Variants in ARRDC4 observed in about 807,000 individuals in gnomAD.
The protein encoded by ARRDC4 is arrestin domain-containing protein 4.
In ARRDC4, 40 loss-of-function variants were observed where a neutral mutation model predicts 44.6. The observed-to-expected ratio is 0.90, with a 90% confidence interval of 0.70 to 1.17. The LOEUF (loss-of-function observed/expected upper bound fraction) is 1.17. Ranked by LOEUF, ARRDC4 falls within the 50% of genes most tolerant of loss-of-function variation. ARRDC4 has a pLI of 0.00. For missense variants in ARRDC4, 550 were observed against 559.1 expected, an observed-to-expected ratio of 0.98 and a Z score of 0.16; for synonymous variants, 211 against 221.2, an observed-to-expected ratio of 0.95 and a Z score of 0.41.
Position 97,973,319 on chromosome 15 carries a change from C to G in ARRDC4, c.*2132C>G, listed in dbSNP as rs1278803341. 6.6e-6 allele frequency: 1 copy of G among 152,510 alleles called. No individual in the cohort carries two copies. Among genetic ancestry groups the G allele is most frequent in the Admixed American group, 6.5e-5 (1 of 15,268 alleles). 9.4% of individuals were successfully genotyped at this position (152,510 alleles called of 1,614,324 possible). On this transcript the variant is annotated 3_prime_UTR_variant, in exon 8 of 8. Coordinates refer to ENST00000268042, the MANE Select transcript of ARRDC4 (RefSeq NM_183376.3). ...TTATTAGATAAATCATGAAGTGTCC[C>G]TGTGAAATTGAAGTGAAACTATCTC... is the stretch of plus-strand genomic sequence containing the variant.
intron 1 of ARRDC4, among the ~76,000 whole-genome samples, chr15:97,962,980 C>A (rs915307942): frequency 1.3e-5 from 2 of 152,182 alleles, no homozygotes; most frequent in African/African-American, 4.8e-5. Flanking sequence ...TACTTGCTGT[C>A]ATTGTGATTG....
chr15:97,966,215 T>TTG lies in ARRDC4; in HGVS notation c.522+174_522+175insGT, dbSNP rs1266683295. On this transcript the variant is annotated intron_variant, in intron 3 of 7. Coordinates refer to ENST00000268042, the MANE Select transcript of ARRDC4 (RefSeq NM_183376.3). This position sits in a 1 kb window ranked among gnomAD's most constrained non-coding sequence, Gnocchi z 4.7. ...AAAGGCATTCACTATAAATATATGATTCTAGGTTGGACAAATTACAAATTG... is the reference window on the plus strand; with the variant it reads ...AAAGGCATTCACTATAAATATATGATTGTCTAGGTTGGACAAATTACAAATTG... Among the ~76,000 whole-genome samples the TTG allele has an allele frequency of 1.3e-5, 2 of 152,204 alleles. No homozygotes were observed. The highest frequency in any genetic ancestry group is 2.9e-5 in the Non-Finnish European group (2 of 68,044).
At chr15:97,961,635 G>A (rs866363017) in intron 1 of ARRDC4, among the ~76,000 whole-genome samples, 20 of 152,172 alleles carry the variant, frequency 1.3e-4, no homozygotes, top group Middle Eastern at 6.3e-3. Flanking sequence ...TGGGGAATAG[G>A]GAAGTAGTTT....
At chr15:97,963,639 G>A (rs1899363418) in intron 1 of ARRDC4, among the ~76,000 whole-genome samples, 1 of 152,128 alleles carries the variant, frequency 6.6e-6, no homozygotes, top group African/African-American at 2.4e-5. Flanking sequence ...GCCCACCCAT[G>A]TTCCTATGTG....
chr15:97,963,327 G>C (rs1381475747), intron 1 of ARRDC4, among the ~76,000 whole-genome samples: 1 of 152,148 alleles, frequency 6.6e-6, no homozygotes, highest in Non-Finnish European at 1.5e-5. Flanking sequence ...AACAAAACTT[G>C]AGAAAGAGGA....
At chr15:97,961,237 G>A (rs1415281113) in intron 1 of ARRDC4, 69 bp downstream of exon 1, 3 of 1,302,946 alleles carry the variant, frequency 2.3e-6, no homozygotes, top group African/African-American at 3.1e-5. Context: ...GGGAGGCCGC[G>A]CACCCTCGGG....
At position 97,968,737 on chromosome 15, in the gene ARRDC4, G is replaced by C. The variant is rs972730001; in HGVS notation, c.626-386G>C. ...CATTATTAATTCCTTAAAAGCAAAG[G>C]CTTTGTTCTCCTGTTAGGCAGATTT... On this transcript the variant is annotated intron_variant, in intron 4 of 7. Coordinates refer to ENST00000268042, the MANE Select transcript of ARRDC4 (RefSeq NM_183376.3). This position sits in a 1 kb window ranked among gnomAD's most constrained non-coding sequence, Gnocchi z 5.4. Among the ~76,000 whole-genome samples the C allele has an allele frequency of 6.6e-6, 1 of 152,098 alleles. No individual in the cohort carries two copies. The highest frequency in any genetic ancestry group is 2.1e-4 in the South Asian group (1 of 4,824).
Position 97,965,373 on chromosome 15 carries a change from G to A in ARRDC4, c.308-227G>A, listed in dbSNP as rs1361077284. On this transcript the variant is annotated intron_variant, in intron 1 of 7. Transcript: ENST00000268042. The surrounding 1 kb of genome is among the most constrained non-coding windows in gnomAD (Gnocchi z 5.1). ...TGCTTGAGCCCAGGAGTTCAAGGCC[G>A]TAGCACTCTGGCCTGGGCAATAGAG... Among the ~76,000 whole-genome samples, 2 of 151,980 alleles carry A rather than the reference G, an allele frequency of 1.3e-5. No homozygotes were observed. The highest frequency in any genetic ancestry group is 6.5e-5 in the Admixed American group (1 of 15,274).
Position 97,970,431 on chromosome 15 carries a change from T to A in ARRDC4, c.1046-158T>A, listed in dbSNP as rs570992734. The stretch of plus-strand genomic sequence containing the variant: ...GTAGTAGTTTAATAAAAGGAGAATC[T>A]ATTTTTTATTGTAATATGCATAAAA... On this transcript the variant is annotated intron_variant, in intron 6 of 7. Coordinates refer to ENST00000268042, the MANE Select transcript of ARRDC4 (RefSeq NM_183376.3). This position sits in a 1 kb window ranked among gnomAD's most constrained non-coding sequence, Gnocchi z 4.2. Among the ~76,000 whole-genome samples the A allele has an allele frequency of 6.6e-6, 1 of 152,196 alleles. No homozygotes were observed. Among genetic ancestry groups the A allele is most frequent in the African/African-American group, 2.4e-5 (1 of 41,450 alleles).
chr15:97,960,789 G>A lies in ARRDC4; in HGVS notation c.-73G>A. ...CCCTGCCGCGAGCGCCTGTGACAGC[G>A]GCGCCGCTGTGCTCGCGACCCCGGC... On this transcript the variant is annotated 5_prime_UTR_variant, in exon 1 of 8. Coordinates refer to ENST00000268042, the MANE Select transcript of ARRDC4 (RefSeq NM_183376.3). 1.6e-6 allele frequency: 2 copies of A among 1,232,286 alleles called. No homozygotes were observed. Among genetic ancestry groups the A allele is most frequent in the African/African-American group, 1.6e-5 (1 of 63,824 alleles). 76.3% of individuals were successfully genotyped at this position (1,232,286 alleles called of 1,614,324 possible).
In ARRDC4 at chr15:97,960,919, C is replaced by T. The variant is rs1447383470; in HGVS notation, c.58C>T (p.Leu20=). 2.7e-6 allele frequency: 4 copies of T among 1,456,028 alleles called. No individual in the cohort carries two copies. The Admixed American group carries it at 7.3e-5, about 27-fold the overall frequency. 90.2% of individuals were successfully genotyped at this position (1,456,028 alleles called of 1,614,324 possible). ...AVGAEGRVKS[L]GLVFEDERKG... ...GGGTGCCGAGGGCCGCGTGAAGAGCCTGGGTCTGGTGTTCGAGGACGAGCG... is the reference window on the plus strand; with the variant it reads ...GGGTGCCGAGGGCCGCGTGAAGAGCTTGGGTCTGGTGTTCGAGGACGAGCG... Residue 20 remains leucine (L), a synonymous_variant, in exon 1 of 8, where the codon CTG becomes TTG. Coordinates refer to ENST00000268042, the MANE Select transcript of ARRDC4 (RefSeq NM_183376.3).
At chr15:97,964,327 T>C (rs187247153) in intron 1 of ARRDC4, among the ~76,000 whole-genome samples, 1 of 152,276 alleles carries the variant, frequency 6.6e-6, no homozygotes, top group Non-Finnish European at 1.5e-5. Context: ...ATCTTCATTT[T>C]AGTGTCAGAT....
At chr15:97,969,799 A>G in intron 5 of ARRDC4, 84 bp from the exon 6 acceptor site, 1 of 1,302,030 alleles carries the variant, frequency 7.7e-7, no homozygotes, top group Non-Finnish European at 1.0e-6. Flanking sequence ...GTTTCTATGA[A>G]AAAAAGAAAT....
chr15:97,970,078 C>G lies in ARRDC4; in HGVS notation c.1045+33C>G. ...ATGTTGGCGTTCTTTCATAACGAAG[C>G]TTTACCTAGAAAATACCTAGGAACA... On this transcript the variant is annotated intron_variant, in intron 6 of 7. Coordinates refer to ENST00000268042, the MANE Select transcript of ARRDC4 (RefSeq NM_183376.3). This position sits in a 1 kb window ranked among gnomAD's most constrained non-coding sequence, Gnocchi z 4.2. 6.3e-7 allele frequency: 1 copy of G among 1,592,312 alleles called. No homozygotes were observed. Among genetic ancestry groups the G allele is most frequent in the Non-Finnish European group, 8.6e-7 (1 of 1,163,898 alleles).
At position 97,970,629 on chromosome 15, in the gene ARRDC4, C is replaced by A. The variant is rs556598670; in HGVS notation, c.1086C>A (p.Phe362Leu). The A allele has an allele frequency of 3.1e-6, 5 of 1,613,178 alleles. No homozygotes were observed. Among genetic ancestry groups the A allele is most frequent in the Middle Eastern group, 1.6e-4 (1 of 6,082 alleles). The part of the protein sequence containing the change: ...NYADVVSEEE[F>L]SRHIPPYPQP... ...CAGATGTGGTATCAGAGGAAGAATT[C>A]TCTAGACACATTCCTCCTTACCCTC... The change falls in exon 7 of 8, where the codon TTC becomes TTA. Residue 362 changes from phenylalanine to leucine, a missense_variant. Phe to Leu is a conservative substitution (Grantham distance 22, BLOSUM62 0). Coordinates refer to ENST00000268042, the MANE Select transcript of ARRDC4 (RefSeq NM_183376.3). The surrounding 1 kb of genome is among the most constrained non-coding windows in gnomAD (Gnocchi z 4.2).
In ARRDC4 at chr15:97,969,299, A is replaced by G. The variant is rs200247962; in HGVS notation, c.802A>G (p.Asn268Asp). Residue 268 changes from asparagine to aspartate, a missense_variant, in exon 5 of 8, where the codon AAT (asparagine) becomes GAT (aspartate). Asn to Asp is a conservative substitution (Grantham distance 23). Transcript: ENST00000268042. ...CGCTTCTGGGAGCACAGACACATGG[A>G]ATGGGAAAACGCTAAAAATCCCACC... is the stretch of plus-strand genomic sequence containing the variant. ...HIASGSTDTW[N>D]GKTLKIPPVT... 8.5e-5 allele frequency: 137 copies of G among 1,613,798 alleles called. No homozygotes were observed. Among genetic ancestry groups the G allele is most frequent in the Non-Finnish European group, 1.1e-4 (131 of 1,179,874 alleles).
chr15:97,973,237 TC>T lies in ARRDC4; in HGVS notation c.*2052del, dbSNP rs1360091963. The T allele has an allele frequency of 6.6e-6, 1 of 152,584 alleles. No homozygotes were observed. The highest frequency in any genetic ancestry group is 2.4e-5 in the African/African-American group (1 of 41,456). The allele number at this position is 152,584 out of a possible 1,614,324, so 9.5% of individuals were successfully genotyped here. ...AGAAGAGAAAGTTTAATTATTTGGTTCCATCTAGAAAAGCAACAACTTAAAG... is the reference window on the plus strand; with the variant it reads ...AGAAGAGAAAGTTTAATTATTTGGTTCATCTAGAAAAGCAACAACTTAAAG... On this transcript the variant is annotated 3_prime_UTR_variant, in exon 8 of 8. Coordinates refer to ENST00000268042, the MANE Select transcript of ARRDC4 (RefSeq NM_183376.3).
In ARRDC4 at chr15:97,969,831, G is replaced by A. The variant is rs577051839; in HGVS notation, c.883-52G>A. 1.4e-5 allele frequency: 21 copies of A among 1,481,126 alleles called. No homozygotes were observed. In the Admixed American group the frequency reaches 2.0e-4, roughly 14 times the overall value. 91.7% of individuals were successfully genotyped at this position (1,481,126 alleles called of 1,614,324 possible). A position where few individuals can be genotyped will look rare whatever the true frequency, so the allele number is the denominator to read the frequency against. ...AAATTAATTGGGCTACCTACTGGAG[G>A]TGTAGCTTACATTTGTTCCTTTCTC... is the stretch of plus-strand genomic sequence containing the variant. On this transcript the variant is annotated intron_variant, in intron 5 of 7. Coordinates refer to ENST00000268042, the MANE Select transcript of ARRDC4 (RefSeq NM_183376.3).
At chr15:97,964,464 A>G (rs1899380574) in intron 1 of ARRDC4, among the ~76,000 whole-genome samples, 1 of 152,224 alleles carries the variant, frequency 6.6e-6, no homozygotes, top group Admixed American at 6.5e-5. Flanking sequence ...AAGTCTCTCA[A>G]GAGAGCCTCC....
Sources: gnomAD v4.1 joint callset for allele counts (sites outside exome capture counted in the v4.1 genomes callset) on GRCh38, gnomAD v4.1.1 for gene constraint, Gnocchi (gnomAD v3.1) non-coding constraint, MANE v1.5 for transcripts, NCBI Gene and HGNC (gene_info 2026-07-23, HGNC 2026-07-21) for gene names.